The following CAPN13 variants were observed in gnomAD, a reference collection of about 807,000 sequenced individuals.
CAPN13 encodes the protein calpain-13.
A neutral mutation model predicts 98.4 loss-of-function variants in CAPN13; 90 were observed. That is an observed-to-expected ratio of 0.92 (90% CI 0.77 to 1.09). CAPN13 has a LOEUF of 1.09. Ranked by LOEUF, CAPN13 falls within the 50% of genes least tolerant of loss-of-function variation. The probability of loss-of-function intolerance (pLI) is 0.00; values close to 1 mark genes in which losing one functional copy is unlikely to be tolerated. For synonymous variants in CAPN13, 330 were observed against 305.5 expected, an observed-to-expected ratio of 1.08 and a Z score of -0.84; for missense variants, 887 against 841.3, an observed-to-expected ratio of 1.05 and a Z score of -0.67.
intron 12 of CAPN13, chr2:30,745,228 G>C: frequency 2.1e-6 from 1 of 472,388 alleles, no homozygotes; most frequent in South Asian, 1.5e-5. Context: ...TCCTCATATG[G>C]GCAAGTCACC....
At chr2:30,780,821 C>T (rs183875483) in intron 2 of CAPN13, among the ~76,000 whole-genome samples, 473 of 152,244 alleles carry the variant, frequency 3.1e-3, no homozygotes, top group Non-Finnish European at 5.1e-3. Flanking sequence ...TACCCAGGAG[C>T]GTTTTAGTCT....
chr2:30,782,567 G>A (rs569104206), intron 2 of CAPN13, among the ~76,000 whole-genome samples: 10 of 152,146 alleles, frequency 6.6e-5, no homozygotes, highest in South Asian at 6.2e-4. Context: ...AAGGTGAGTC[G>A]TTTCTAGTGA....
intron 1 of CAPN13, among the ~76,000 whole-genome samples, chr2:30,803,265 A>C (rs1366308998): frequency 1.3e-5 from 2 of 152,184 alleles, no homozygotes; most frequent in Admixed American, 6.5e-5. Context: ...GACCTTTGAG[A>C]ACCAGTGGTC....
chr2:30,753,834 A>G (rs1484551984), intron 9 of CAPN13, among the ~76,000 whole-genome samples: 2 of 152,120 alleles, frequency 1.3e-5, no homozygotes, highest in Non-Finnish European at 2.9e-5. Context: ...TGTTTTCAAA[A>G]CATCTAGTCC....
intron 1 of CAPN13, among the ~76,000 whole-genome samples, chr2:30,805,892 G>C (rs1675594323): frequency 6.6e-6 from 1 of 151,846 alleles, no homozygotes; most frequent in African/African-American, 2.4e-5. Context: ...CAATAGCTGG[G>C]ACTACAGGTG....
chr2:30,773,682 A>T (rs1189298177), intron 4 of CAPN13, among the ~76,000 whole-genome samples: 1 of 152,216 alleles, frequency 6.6e-6, no homozygotes, highest in Admixed American at 6.5e-5. Flanking sequence ...GCACCAAAGA[A>T]CATAGCAGGA....
Position 30,751,201 on chromosome 2 carries a change from C to G in CAPN13, c.1138G>C (p.Glu380Gln). The change falls in exon 11 of 23, where the codon GAA becomes CAA. Residue 380 changes from glutamate (E) to glutamine (Q), a missense_variant. Physicochemically the swap from Glu to Gln is conservative, Grantham distance 29. Coordinates refer to ENST00000295055, the MANE Select transcript of CAPN13 (RefSeq NM_144575.3). ...ACGCACACGACAACATTGGTGCCTTCCATTGGCTCTTGCACAGAGAAGTTG... is the reference window on the plus strand; with the variant it reads ...ACGCACACGACAACATTGGTGCCTTGCATTGGCTCTTGCACAGAGAAGTTG... ...QFNFSVQEPM[E>Q]GTNVVVCVTV... The G allele has an allele frequency of 6.2e-7, 1 of 1,613,966 alleles. No individual in the cohort carries two copies. Among genetic ancestry groups the G allele is most frequent in the Non-Finnish European group, 8.5e-7 (1 of 1,179,882 alleles).
At chr2:30,753,334 C>T (rs919315637) in intron 9 of CAPN13, 136 bp from the exon 10 acceptor site, 8 of 876,000 alleles carry the variant, frequency 9.1e-6, no homozygotes, top group South Asian at 3.3e-5. Flanking sequence ...CATCAAGCAC[C>T]CTTCTATCTT....
At chr2:30,756,432 A>T (rs919304334) in intron 8 of CAPN13, among the ~76,000 whole-genome samples, 1 of 152,180 alleles carries the variant, frequency 6.6e-6, no homozygotes, top group Non-Finnish European at 1.5e-5. Flanking sequence ...ATGCCAGCCC[A>T]CGGGAAGCTT....
intron 2 of CAPN13, among the ~76,000 whole-genome samples, chr2:30,784,389 A>G (rs1674151084): frequency 6.6e-6 from 1 of 152,202 alleles, no homozygotes; most frequent in South Asian, 2.1e-4. Flanking sequence ...TCCCAAATTA[A>G]TCACAGTAAC....
At chr2:30,777,230 C>A (rs1673746061) in intron 3 of CAPN13, among the ~76,000 whole-genome samples, 1 of 152,226 alleles carries the variant, frequency 6.6e-6, no homozygotes, top group Non-Finnish European at 1.5e-5. Context: ...TCAGAGAGTG[C>A]TGGATTCTTA....
intron 19 of CAPN13, 41 bp downstream of exon 19, chr2:30,734,408 C>T (rs1388018998): frequency 2.0e-6 from 3 of 1,537,920 alleles, no homozygotes; most frequent in East Asian, 4.5e-5. Flanking sequence ...CACCCCCCTC[C>T]CCGGACCTTG....
At chr2:30,801,679 A>G (rs1417110005) in intron 1 of CAPN13, among the ~76,000 whole-genome samples, 1 of 151,828 alleles carries the variant, frequency 6.6e-6, no homozygotes, top group Non-Finnish European at 1.5e-5. Flanking sequence ...AGAGGCCAAG[A>G]CAGAGCAACC....
At chr2:30,735,607 G>T (rs1671323569) in intron 18 of CAPN13, among the ~76,000 whole-genome samples, 1 of 152,174 alleles carries the variant, frequency 6.6e-6, no homozygotes, top group African/African-American at 2.4e-5. Flanking sequence ...TGCCCCGGGG[G>T]ACCCAGGGGA....
intron 19 of CAPN13, 45 bp downstream of exon 19, chr2:30,734,404 C>T (rs373682651): frequency 6.7e-7 from 1 of 1,496,530 alleles, no homozygotes; most frequent in African/African-American, 1.4e-5. Context: ...GCATCACCCC[C>T]CTCCCCGGAC....
Position 30,800,344 on chromosome 2 carries a change from G to C in CAPN13, c.-33+6958C>G, listed in dbSNP as rs750205240. 2.8e-4 allele frequency among the ~76,000 whole-genome samples: 43 copies of C among 152,318 alleles called. No homozygotes were observed. The Middle Eastern group carries it at 0.02, about 72-fold the overall frequency. ...AGGCAGAAAGCAGAAGCGACTTACT[G>C]AGGTTCCACAGGCAGGGCAACCCCA... is the stretch of plus-strand genomic sequence containing the variant. On this transcript the variant is annotated intron_variant, in intron 1 of 22. Transcript: ENST00000295055.
intron 22 of CAPN13, among the ~76,000 whole-genome samples, chr2:30,726,261 A>G (rs77495935): frequency 1.2e-3 from 183 of 152,348 alleles, no homozygotes; most frequent in African/African-American, 4.4e-3. Flanking sequence ...AATGGTATCT[A>G]TGAAAAACTC....
rs116293066 is a variant in CAPN13 at position 30,768,015 on chromosome 2, G to A, written c.524+2298C>T. Among the ~76,000 whole-genome samples, 996 of 152,276 alleles carry A rather than the reference G, an allele frequency of 6.5e-3. 6 individuals are homozygous for A. Among genetic ancestry groups the A allele is most frequent in the Non-Finnish European group, 0.012 (791 of 68,024 alleles). ...GATCTTCAGAATTTTCTGGACCTAT[G>A]ATGCTCTCCACTCATTTTCTCCTCA... On this transcript the variant is annotated intron_variant, in intron 5 of 22. Transcript: ENST00000295055.
chr2:30,739,978 C>A (rs1423953324), intron 15 of CAPN13, among the ~76,000 whole-genome samples: 1 of 151,862 alleles, frequency 6.6e-6, no homozygotes, highest in Non-Finnish European at 1.5e-5. Context: ...ATCCCAGAGT[C>A]TAAGTGGATC....
Sources: gnomAD v4.1 joint callset for allele counts (sites outside exome capture counted in the v4.1 genomes callset) on GRCh38, gnomAD v4.1.1 for gene constraint, MANE v1.5 for transcripts, NCBI Gene and HGNC (gene_info 2026-07-23, HGNC 2026-07-21) for gene names.